The following SEL1L3 variants were observed in gnomAD, a reference collection of about 807,000 sequenced individuals.
SEL1L3 encodes protein sel-1 homolog 3.
In SEL1L3, 76 loss-of-function variants were observed where a neutral mutation model predicts 142.8. The ratio of observed to expected loss-of-function variants is 0.53; its 90% CI spans 0.44 to 0.64. SEL1L3 has a LOEUF of 0.64. SEL1L3 is among the 30% of genes least tolerant of loss of function. SEL1L3 has a pLI of 0.00. For missense variants in SEL1L3, 1,262 were observed against 1,381.7 expected (o/e 0.91, Z 1.37); for synonymous variants, 504 against 519.6 (o/e 0.97, Z 0.41).
chr4:25,786,406 C>A (rs991344381), intron 13 of SEL1L3, among the ~76,000 whole-genome samples: 1 of 152,132 alleles, frequency 6.6e-6, no homozygotes, highest in Non-Finnish European at 1.5e-5. Context: ...CAGAACCCCC[C>A]TCTCTGCAAA....
At chr4:25,794,660 T>TC (rs1712586999) in intron 11 of SEL1L3, among the ~76,000 whole-genome samples, 1 of 152,116 alleles carries the variant, frequency 6.6e-6, no homozygotes, top group Admixed American at 6.6e-5. Flanking sequence ...GTGTGACGAT[T>TC]CCCCAAAGAC....
At chr4:25,783,092 A>G (rs1286660992) in intron 14 of SEL1L3, among the ~76,000 whole-genome samples, 1 of 152,258 alleles carries the variant, frequency 6.6e-6, no homozygotes, top group African/African-American at 2.4e-5. Flanking sequence ...AATAAAGCAC[A>G]TTAGACATCA....
chr4:25,795,844 T>G (rs186936941), intron 11 of SEL1L3, among the ~76,000 whole-genome samples: 41 of 152,102 alleles, frequency 2.7e-4, no homozygotes. Context: ...GAATGACCTT[T>G]AAAAGGAAAG....
At chr4:25,848,815 C>T (rs1208892099) in intron 1 of SEL1L3, among the ~76,000 whole-genome samples, 1 of 152,174 alleles carries the variant, frequency 6.6e-6, no homozygotes, top group Non-Finnish European at 1.5e-5. Flanking sequence ...AATAGTATAG[C>T]AGTTCCTCAA....
intron 9 of SEL1L3, among the ~76,000 whole-genome samples, chr4:25,811,652 A>T (rs1714029933): frequency 6.6e-6 from 1 of 152,106 alleles, no homozygotes; most frequent in Non-Finnish European, 1.5e-5. Context: ...ACAAATATTT[A>T]TTGAGGCAAG....
At chr4:25,797,917 G>A (rs562287345) in intron 11 of SEL1L3, among the ~76,000 whole-genome samples, 11 of 152,300 alleles carry the variant, frequency 7.2e-5, no homozygotes, top group Admixed American at 1.3e-4. Context: ...TGTGACGGTG[G>A]CACAGCAAGG....
chr4:25,860,968 T>C (rs1717664498), intron 1 of SEL1L3, among the ~76,000 whole-genome samples: 1 of 152,224 alleles, frequency 6.6e-6, no homozygotes, highest in Admixed American at 6.5e-5. Flanking sequence ...CTGTCTCTGT[T>C]TCCAGAGTCC....
rs765929577 is a variant in SEL1L3, at chr4:25,822,043, A to G, written c.1243T>C (p.Phe415Leu). The G allele has an allele frequency of 1.2e-6, 2 of 1,613,974 alleles. No homozygotes were observed. Residue 415 changes from phenylalanine (F) to leucine (L), a missense_variant, in exon 7 of 24, where the codon TTT (phenylalanine) becomes CTT (leucine). Physicochemically the swap from Phe to Leu is conservative, Grantham distance 22 (BLOSUM62 0). Around this residue, in one of 3 missense-constraint regions of SEL1L3, gnomAD observed 689 missense variants for 692.8 expected, o/e 0.99. Coordinates refer to ENST00000399878, the MANE Select transcript of SEL1L3 (RefSeq NM_015187.5). The part of the protein sequence containing the change: ...SRYVAGIEGF[F>L]GPLKYYRLRS... ...AGGCGATAGTACTTCAGGGGTCCAA[A>G]AAACCCTTCAATGCCAGCCACATAC... is the stretch of plus-strand genomic sequence containing the variant.
the SEL1L3 span, among the ~76,000 whole-genome samples, chr4:25,737,205 G>A: frequency 1.6e-4 from 24 of 152,232 alleles, no homozygotes; most frequent in East Asian, 1.7e-3. Flanking sequence ...GGCTGGTCTC[G>A]AACTCCTGAC....
At chr4:25,724,400 G>A in the SEL1L3 span, among the ~76,000 whole-genome samples, 2 of 151,906 alleles carry the variant, frequency 1.3e-5, no homozygotes, top group Non-Finnish European at 2.9e-5. Flanking sequence ...CAGTCTGTGT[G>A]ACAGAGGGAG....
At chr4:25,824,307 C>T (rs1714955358) in intron 6 of SEL1L3, among the ~76,000 whole-genome samples, 1 of 152,190 alleles carries the variant, frequency 6.6e-6, no homozygotes, top group African/African-American at 2.4e-5. Flanking sequence ...AACTCCCCAG[C>T]TTACCTGACT....
In SEL1L3 at chr4:25,851,009, C is replaced by T. The variant is rs968615300; in HGVS notation, c.163-3145G>A. Among the ~76,000 whole-genome samples, 3 of 152,078 alleles carry T rather than the reference C, an allele frequency of 2.0e-5. No homozygotes were observed. In the East Asian group the frequency reaches 5.8e-4, roughly 29 times the overall value. ...GGGATTACAGGCACCTGCCACCACA[C>T]CCGGCTGATTTTTGTATTTTTAGTA... On this transcript the variant is annotated intron_variant, in intron 1 of 23. Transcript: ENST00000399878.
At chr4:25,858,734 C>T (rs1361134713) in intron 1 of SEL1L3, among the ~76,000 whole-genome samples, 2 of 151,986 alleles carry the variant, frequency 1.3e-5, no homozygotes, top group Non-Finnish European at 2.9e-5. Flanking sequence ...TATAGGTGCA[C>T]GCCACCACAC....
At position 25,759,346 on chromosome 4, in the gene SEL1L3, A is replaced by G. The variant is rs560280262; in HGVS notation, c.2956-278T>C. The G allele has an allele frequency of 1.1e-3, 377 of 351,382 alleles. 3 individuals are homozygous for G. Among genetic ancestry groups the G allele is most frequent in the African/African-American group, 7.3e-3 (352 of 48,020 alleles). The allele number at this position is 351,382 out of a possible 1,614,324, so 21.8% of individuals were successfully genotyped here. Reference sequence around the variant, plus strand: ...CGTCCTTTCTCGCTCACTCTCTCAGAATAGAACTTACTGGAAAACGTGCCC... The same window carrying G: ...CGTCCTTTCTCGCTCACTCTCTCAGGATAGAACTTACTGGAAAACGTGCCC... On this transcript the variant is annotated intron_variant, in intron 20 of 23. Coordinates refer to ENST00000399878, the MANE Select transcript of SEL1L3 (RefSeq NM_015187.5).
chr4:25,835,866 G>A (rs760337421), intron 2 of SEL1L3, among the ~76,000 whole-genome samples: 22 of 152,142 alleles, frequency 1.4e-4, no homozygotes, highest in Non-Finnish European at 1.0e-4. Flanking sequence ...AGTGTACACC[G>A]GCAATATGCT....
intron 23 of SEL1L3, chr4:25,756,455 G>A (rs910853912): frequency 2.3e-5 from 23 of 984,936 alleles, no homozygotes; most frequent in African/African-American, 3.5e-5. Flanking sequence ...AACTACAGCC[G>A]TCATTTTGGT....
At chr4:25,758,472 A>G (rs1407591990) in intron 21 of SEL1L3, among the ~76,000 whole-genome samples, 1 of 152,190 alleles carries the variant, frequency 6.6e-6, no homozygotes, top group African/African-American at 2.4e-5. Flanking sequence ...CCCTGTCTCA[A>G]AATAAACAAA....
intron 5 of SEL1L3, among the ~76,000 whole-genome samples, chr4:25,831,539 T>C (rs1715446973): frequency 7.4e-6 from 1 of 136,052 alleles, no homozygotes; most frequent in African/African-American, 2.9e-5. Flanking sequence ...ATTATTATTA[T>C]TATTGAGACA....
chr4:25,824,758 C>T (rs1417147974), intron 6 of SEL1L3, among the ~76,000 whole-genome samples: 3 of 152,150 alleles, frequency 2.0e-5, no homozygotes, highest in African/African-American at 7.2e-5. Flanking sequence ...GTAATCATAC[C>T]ATTTACTTAC....
Sources: gnomAD v4.1 joint callset for allele counts (sites outside exome capture counted in the v4.1 genomes callset) on GRCh38, gnomAD v4.1.1 for gene constraint, gnomAD v4.1.1 regional missense constraint, MANE v1.5 for transcripts, NCBI Gene and HGNC (gene_info 2026-07-23, HGNC 2026-07-21) for gene names.